The following RASAL2 variants were observed in gnomAD, a reference collection of about 807,000 sequenced individuals.
The protein encoded by RASAL2 is RAS protein activator like 2, also known as ras GTPase-activating protein nGAP.
Under a neutral mutation model 128.9 loss-of-function variants are expected in RASAL2, and 58 were observed. The observed-to-expected ratio is 0.45, with a 90% CI of 0.36 to 0.56. The LOEUF (loss-of-function observed/expected upper bound fraction) is 0.56. RASAL2 is among the 20% of genes least tolerant of loss of function. The probability of loss-of-function intolerance (pLI) is 0.00; values close to 1 mark genes in which losing one functional copy is unlikely to be tolerated. For synonymous variants in RASAL2, 561 were observed against 580.8 expected, an observed-to-expected ratio of 0.97 and a Z score of 0.49; for missense variants, 1,360 against 1,601.6, an observed-to-expected ratio of 0.85 and a Z score of 2.57.
At chr1:178,415,377 C>G (rs1674687788) in intron 4 of RASAL2, among the ~76,000 whole-genome samples, 1 of 152,000 alleles carries the variant, frequency 6.6e-6, no homozygotes. Flanking sequence ...TTGGGATTTT[C>G]TAGTCATCTT....
At chr1:178,282,726 GAGA>G (rs1244971172) in intron 1 of RASAL2, among the ~76,000 whole-genome samples, 4 of 152,132 alleles carry the variant, frequency 2.6e-5, no homozygotes, top group African/African-American at 9.7e-5. Flanking sequence ...GTATATTCCT[GAGA>G]AGAATTAGTT....
At chr1:178,377,844 A>G (rs1407943541) in intron 3 of RASAL2, among the ~76,000 whole-genome samples, 2 of 152,170 alleles carry the variant, frequency 1.3e-5, no homozygotes, top group Non-Finnish European at 2.9e-5. Flanking sequence ...AGAAAAGGAT[A>G]GAAATCGTGA....
intron 14 of RASAL2, among the ~76,000 whole-genome samples, 182 bp from the exon 15 acceptor site, chr1:178,464,096 T>C (rs979961649): frequency 2.0e-5 from 3 of 152,208 alleles, no homozygotes; most frequent in Admixed American, 6.5e-5. Context: ...TTTGCACTTA[T>C]ACAAATGTAT....
chr1:178,249,115 A>G (rs1415716845), intron 1 of RASAL2, among the ~76,000 whole-genome samples: 1 of 152,088 alleles, frequency 6.6e-6, no homozygotes, highest in Non-Finnish European at 1.5e-5. Flanking sequence ...GTTCTCCTGG[A>G]TAATACCCTA....
chr1:178,320,338 G>T (rs528737295), intron 3 of RASAL2, among the ~76,000 whole-genome samples: 232 of 152,308 alleles, frequency 1.5e-3, no homozygotes, highest in African/African-American at 5.4e-3. Context: ...CGAGCTTCCC[G>T]GCTGCTTTGT....
intron 1 of RASAL2, among the ~76,000 whole-genome samples, chr1:178,279,881 A>T (rs1268176080): frequency 6.6e-6 from 1 of 152,162 alleles, no homozygotes; most frequent in East Asian, 1.9e-4. Flanking sequence ...AGATTGATGA[A>T]TGTGACTTTT....
At chr1:178,348,942 G>C (rs1670298511) in intron 3 of RASAL2, among the ~76,000 whole-genome samples, 1 of 151,580 alleles carries the variant, frequency 6.6e-6, no homozygotes. Flanking sequence ...TGGGACTACA[G>C]GTGCCTGCCA....
At chr1:178,183,625 A>G (rs1662191795) in intron 1 of RASAL2, among the ~76,000 whole-genome samples, 1 of 152,216 alleles carries the variant, frequency 6.6e-6, no homozygotes, top group South Asian at 2.1e-4. Context: ...TCATGTAGTA[A>G]TATGCCTTTA....
At chr1:178,388,839 A>C (rs1571981884) in intron 3 of RASAL2, among the ~76,000 whole-genome samples, 1 of 152,350 alleles carries the variant, frequency 6.6e-6, no homozygotes, top group Non-Finnish European at 1.5e-5. Flanking sequence ...AATTTTCAGT[A>C]ACTGAGGGAA....
chr1:178,223,450 G>A (rs961995042), intron 1 of RASAL2, among the ~76,000 whole-genome samples: 2 of 152,162 alleles, frequency 1.3e-5, no homozygotes, highest in Non-Finnish European at 2.9e-5. Context: ...AGAACAGGAT[G>A]AGCAAGAGCC....
chr1:178,189,539 C>T (rs1027930971), intron 1 of RASAL2, among the ~76,000 whole-genome samples: 5 of 152,164 alleles, frequency 3.3e-5, no homozygotes, highest in Admixed American at 6.5e-5. Context: ...CACAGCATTT[C>T]TGTTACATTG....
At chr1:178,269,672 C>G (rs555376977) in intron 1 of RASAL2, among the ~76,000 whole-genome samples, 8 of 152,318 alleles carry the variant, frequency 5.3e-5, no homozygotes, top group African/African-American at 1.9e-4. Flanking sequence ...AATGCCATGA[C>G]AACGTACCCT....
Position 178,452,475 on chromosome 1 carries a change from G to A in RASAL2, c.1832G>A (p.Arg611His), listed in dbSNP as rs761059795. 7 of 1,614,088 alleles carry A rather than the reference G, an allele frequency of 4.3e-6. No individual in the cohort carries two copies. The highest frequency in any genetic ancestry group is 3.3e-5 in the Admixed American group (2 of 60,018). Residue 611 changes from arginine (R) to histidine (H), a missense_variant, in exon 11 of 18, where the codon CGT (arginine) becomes CAT (histidine). Transcript: ENST00000367649. ...TCATGGAAGCAGCAGTGCCTGAACC[G>A]TGGCAAGCAAGACATCAGCGAGAGG... ...FASWKQQCLN[R>H]GKQDISERLI...
intron 1 of RASAL2, among the ~76,000 whole-genome samples, chr1:178,265,322 G>A (rs745420868): frequency 6.6e-6 from 1 of 152,120 alleles, no homozygotes; most frequent in African/African-American, 2.4e-5. Flanking sequence ...GCAGTAGCAC[G>A]ATCTTGGCTC....
chr1:178,394,634 G>C (rs188549313), intron 4 of RASAL2, among the ~76,000 whole-genome samples: 1 of 152,114 alleles, frequency 6.6e-6, no homozygotes, highest in Non-Finnish European at 1.5e-5. Flanking sequence ...GTCTAACTTG[G>C]CCTTTCATGT....
intron 4 of RASAL2, among the ~76,000 whole-genome samples, chr1:178,392,950 G>A (rs950868017): frequency 6.6e-6 from 1 of 152,146 alleles, no homozygotes; most frequent in Non-Finnish European, 1.5e-5. Context: ...ATAGGCAACT[G>A]GTACAGCAGG....
intron 1 of RASAL2, among the ~76,000 whole-genome samples, chr1:178,104,823 C>G (rs1042067558): frequency 2.6e-5 from 4 of 151,966 alleles, no homozygotes; most frequent in Non-Finnish European, 5.9e-5. Context: ...GGCATATTTC[C>G]AAGTGAATGA....
At chr1:178,228,771 C>T (rs775611863) in intron 1 of RASAL2, among the ~76,000 whole-genome samples, 2 of 152,074 alleles carry the variant, frequency 1.3e-5, no homozygotes, top group Non-Finnish European at 2.9e-5. Flanking sequence ...AAAATTATAG[C>T]TCTAATTTAA....
At chr1:178,361,077 G>T (rs1467561635) in intron 3 of RASAL2, among the ~76,000 whole-genome samples, 1 of 152,188 alleles carries the variant, frequency 6.6e-6, no homozygotes, top group Non-Finnish European at 1.5e-5. Context: ...TTCCACAAAT[G>T]TGATGTATTT....
Sources: gnomAD v4.1 joint callset for allele counts (sites outside exome capture counted in the v4.1 genomes callset) on GRCh38, gnomAD v4.1.1 for gene constraint, MANE v1.5 for transcripts, NCBI Gene and HGNC (gene_info 2026-07-23, HGNC 2026-07-21) for gene names.